The following COL7A1 variants were observed in gnomAD, a reference collection of about 807,000 sequenced individuals.
The protein encoded by COL7A1 is collagen type VII alpha 1 chain, also known as collagen alpha-1(VII) chain.
COL7A1 carries 296 observed loss-of-function variants against 456.2 expected under a neutral mutation model. The ratio of observed to expected loss-of-function variants is 0.65; its 90% CI spans 0.59 to 0.71. The LOEUF (loss-of-function observed/expected upper bound fraction) is 0.71, where lower values mean the gene tolerates loss of function less well. Among genes scored for constraint, COL7A1 ranks in the 30% least tolerant of loss-of-function variants. The probability of loss-of-function intolerance (pLI) is 0.00; values close to 1 mark genes in which losing one functional copy is unlikely to be tolerated. For missense variants in COL7A1, 3,441 were observed against 4,017.2 expected, an observed-to-expected ratio of 0.86 and a Z score of 3.88; for synonymous variants, 1,464 against 1,525.9, an observed-to-expected ratio of 0.96 and a Z score of 0.95.
In COL7A1 at chr3:48,565,691, G is replaced by T; in HGVS notation, c.8408-23C>A. The T allele has an allele frequency of 1.9e-6, 3 of 1,605,112 alleles. No homozygotes were observed. The highest frequency in any genetic ancestry group is 2.6e-6 in the Non-Finnish European group (3 of 1,174,936). The stretch of plus-strand genomic sequence containing the variant: ...AGGCTAGAGGGGGCAGAGAGGGATA[G>T]AGAGACAATGACAGAGAGAAGGATG... On this transcript the variant is annotated intron_variant, in intron 114 of 118. Transcript: ENST00000681320. This position sits in a 1 kb window ranked among gnomAD's most constrained non-coding sequence, Gnocchi z 4.5.
chr3:48,595,021 C>A, intron 2 of COL7A1, 54 bp downstream of exon 2: 1 of 1,404,596 alleles, frequency 7.1e-7, no homozygotes, highest in Non-Finnish European at 9.8e-7. Context: ...CCGAGTGGAG[C>A]GGAGGGTGGC....
rs1157988972 is a variant in COL7A1 at position 48,583,512 on chromosome 3, G to A, written c.4401+44C>T. The A allele has an allele frequency of 1.2e-6, 2 of 1,613,508 alleles. No homozygotes were observed. The highest frequency in any genetic ancestry group is 1.7e-6 in the Non-Finnish European group (2 of 1,179,704). ...TGGTTGATGATTGAGGTAGGGGCTG[G>A]AGCTGTGCCCACCATATTCAGAATC... On this transcript the variant is annotated intron_variant, in intron 41 of 118. Coordinates refer to ENST00000681320, the MANE Select transcript of COL7A1 (RefSeq NM_000094.4). This position sits in a 1 kb window ranked among gnomAD's most constrained non-coding sequence, Gnocchi z 5.1.
Position 48,583,842 on chromosome 3 carries a change from C to T in COL7A1, c.4278+58G>A. On this transcript the variant is annotated intron_variant, in intron 39 of 118. Transcript: ENST00000681320. The surrounding 1 kb of genome is among the most constrained non-coding windows in gnomAD (Gnocchi z 5.1). ...ATGAAGCCCAGCACCCAACCACTGC[C>T]CCAGGAGAGACCCACACCCCTGAGC... 6.2e-7 allele frequency: 1 copy of T among 1,613,574 alleles called. No individual in the cohort carries two copies.
Position 48,569,705 on chromosome 3 carries a change from C to G in COL7A1, c.7557+20G>C, listed in dbSNP as rs1188811754. 2 of 1,614,152 alleles carry G rather than the reference C, an allele frequency of 1.2e-6. No homozygotes were observed. Among genetic ancestry groups the G allele is most frequent in the Non-Finnish European group, 1.7e-6 (2 of 1,180,010 alleles). The stretch of plus-strand genomic sequence containing the variant: ...GGAGCACCCTGGCCCCTGCCCTGCC[C>G]TCCCCATGCCCACACTCACCTTGTC... On this transcript the variant is annotated intron_variant, in intron 101 of 118. Transcript: ENST00000681320. The surrounding 1 kb of genome is among the most constrained non-coding windows in gnomAD (Gnocchi z 4.9).
rs759118253 is a variant in COL7A1 at position 48,587,563 on chromosome 3, G to A, written c.2858-9C>T. On this transcript the variant is annotated splice_polypyrimidine_tract_variant and intron_variant, in intron 22 of 118. Coordinates refer to ENST00000681320, the MANE Select transcript of COL7A1 (RefSeq NM_000094.4). The surrounding 1 kb of genome is among the most constrained non-coding windows in gnomAD (Gnocchi z 6.1). ...TGGAACACGAGGTGACTCTGAAGGA[G>A]GAATGAAAGATCGAGGATCAGAGGC... 1.9e-6 allele frequency: 3 copies of A among 1,613,482 alleles called. No homozygotes were observed. The highest frequency in any genetic ancestry group is 8.5e-7 in the Non-Finnish European group (1 of 1,180,022).
chr3:48,564,327 C>T lies in COL7A1; in HGVS notation c.*79G>A. On this transcript the variant is annotated 3_prime_UTR_variant, in exon 119 of 119. Coordinates refer to ENST00000681320, the MANE Select transcript of COL7A1 (RefSeq NM_000094.4). The surrounding 1 kb of genome is among the most constrained non-coding windows in gnomAD (Gnocchi z 6.0). ...CTCACGTGCACACAAGCCTCTAGCA[C>T]CAAGGGGAGGGACAGTGGGGTTCTG... 1.3e-6 allele frequency: 2 copies of T among 1,551,782 alleles called. No homozygotes were observed. The highest frequency in any genetic ancestry group is 1.1e-5 in the South Asian group (1 of 89,556).
At position 48,564,366 on chromosome 3, in the gene COL7A1, T is replaced by A. The variant is rs886058627; in HGVS notation, c.*40A>T. ...AGTGGGGTTCTGCTGAGACCCCGAC[T>A]CCTCCAGGGGATGCTGAATCTCAGC... On this transcript the variant is annotated 3_prime_UTR_variant, in exon 119 of 119. Coordinates refer to ENST00000681320, the MANE Select transcript of COL7A1 (RefSeq NM_000094.4). This position sits in a 1 kb window ranked among gnomAD's most constrained non-coding sequence, Gnocchi z 6.0. 1 of 1,613,170 alleles carries A rather than the reference T, an allele frequency of 6.2e-7. No individual in the cohort carries two copies.
chr3:48,583,381 A>G lies in COL7A1; in HGVS notation c.4437+12T>C, dbSNP rs184093617. On this transcript the variant is annotated intron_variant, in intron 42 of 118. Transcript: ENST00000681320. The surrounding 1 kb of genome is among the most constrained non-coding windows in gnomAD (Gnocchi z 5.1). ...GCACCCCTCACACCTGAATCCCCCA[A>G]CTGGTACTCACTTTGGGGCCAATAG... The G allele has an allele frequency of 2.5e-6, 4 of 1,613,912 alleles. No individual in the cohort carries two copies. In the East Asian group the frequency reaches 8.9e-5, roughly 36 times the overall value.
Position 48,587,331 on chromosome 3 carries a change from G to A in COL7A1, c.2998C>T (p.Pro1000Ser). 6.2e-7 allele frequency: 1 copy of A among 1,603,698 alleles called. No individual in the cohort carries two copies. Among genetic ancestry groups the A allele is most frequent in the East Asian group, 2.3e-5 (1 of 44,314 alleles). Residue 1000 changes from proline to serine, a missense_variant, in exon 24 of 119, where the codon CCT becomes TCT. Pro to Ser is a moderately conservative substitution (Grantham distance 74). This residue lies in a region of COL7A1 where 444 missense variants were observed against 427.6 expected (regional missense o/e 1.04). Transcript: ENST00000681320. The surrounding 1 kb of genome is among the most constrained non-coding windows in gnomAD (Gnocchi z 6.1). ...CCTGGAAGTGTCTGCGGGGACCCAG[G>A]CACTTCTGCAGGAGACAGAACTTGA... ...RPLRGPGQEV[P>S]GSPQTLPGIS... is the part of the protein sequence containing the mutation.
At position 48,593,244 on chromosome 3, in the gene COL7A1, A is replaced by T. The variant is rs1473537751; in HGVS notation, c.540T>A (p.Pro180=). ...LFAVGIKNAD[P]EELKRVASQP... Reference sequence around the variant, plus strand: ...GTGAGGCAACTCGCTTCAGCTCCTCAGGGTCAGCATTCTTGATCCCTGAAG... The same window carrying T: ...GTGAGGCAACTCGCTTCAGCTCCTCTGGGTCAGCATTCTTGATCCCTGAAG... The change falls in exon 6 of 119, where the codon CCT becomes CCA. Residue 180 remains proline, a synonymous_variant. Transcript: ENST00000681320. This position sits in a 1 kb window ranked among gnomAD's most constrained non-coding sequence, Gnocchi z 4.4. The T allele has an allele frequency of 1.2e-6, 2 of 1,614,024 alleles. No individual in the cohort carries two copies. The highest frequency in any genetic ancestry group is 4.5e-5 in the East Asian group (2 of 44,900).
chr3:48,578,588 GA>G lies in COL7A1; in HGVS notation c.5425-74del. The G allele has an allele frequency of 6.5e-7, 1 of 1,538,048 alleles. No homozygotes were observed. The highest frequency in any genetic ancestry group is 9.0e-7 in the Non-Finnish European group (1 of 1,116,332). ...TGGGGCACACCCCATGGACTAAGAG[GA>G]CCCCAAAAAGATCTCCCTCCAGGGT... On this transcript the variant is annotated intron_variant, in intron 63 of 118. Coordinates refer to ENST00000681320, the MANE Select transcript of COL7A1 (RefSeq NM_000094.4). The surrounding 1 kb of genome is among the most constrained non-coding windows in gnomAD (Gnocchi z 4.7).
chr3:48,572,103 G>A lies in COL7A1; in HGVS notation c.7023+24C>T, dbSNP rs778333517. The A allele has an allele frequency of 1.2e-6, 2 of 1,613,916 alleles. No individual in the cohort carries two copies. The highest frequency in any genetic ancestry group is 1.7e-6 in the Non-Finnish European group (2 of 1,179,922). ...CTGAGCCTTCTCTGCTCAGTAGTCA[G>A]GCCCCAGGGCCAACCCACCTCACCT... On this transcript the variant is annotated intron_variant, in intron 91 of 118. Transcript: ENST00000681320. The surrounding 1 kb of genome is among the most constrained non-coding windows in gnomAD (Gnocchi z 4.6).
rs1260291089 is a variant in COL7A1 at position 48,586,398 on chromosome 3, C to A, written c.3484G>T (p.Val1162Phe). The A allele has an allele frequency of 6.2e-7, 1 of 1,613,946 alleles. No individual in the cohort carries two copies. Among genetic ancestry groups the A allele is most frequent in the South Asian group, 1.1e-5 (1 of 91,086 alleles). ...CTCAAGGGTTCATCCACTAGCAGAA[C>A]CATCACCCCTGGTACGTGCTGGCGG... ...GRRQHVPGVM[V>F]LLVDEPLRGD... The change falls in exon 27 of 119, where the codon GTT becomes TTT. Residue 1162 changes from valine to phenylalanine, a missense_variant. Val to Phe is a conservative substitution (Grantham distance 50). Coordinates refer to ENST00000681320, the MANE Select transcript of COL7A1 (RefSeq NM_000094.4). This position sits in a 1 kb window ranked among gnomAD's most constrained non-coding sequence, Gnocchi z 5.1.
At chr3:48,582,878 G>A (rs2044874237) in intron 44 of COL7A1, 135 bp downstream of exon 44, 22 of 1,373,786 alleles carry the variant, frequency 1.6e-5, no homozygotes, top group Non-Finnish European at 2.3e-5. Flanking sequence ...GAGGGTTAGA[G>A]CCTGTATCAG....
rs1255868672 is a variant in COL7A1 at position 48,593,127 on chromosome 3, A to G, written c.657T>C (p.Ala219=). 1 of 1,614,106 alleles carries G rather than the reference A, an allele frequency of 6.2e-7. No individual in the cohort carries two copies. Residue 219 remains alanine (A), a synonymous_variant, in exon 6 of 119, where the codon GCT becomes GCC. Coordinates refer to ENST00000681320, the MANE Select transcript of COL7A1 (RefSeq NM_000094.4). This position sits in a 1 kb window ranked among gnomAD's most constrained non-coding sequence, Gnocchi z 4.4. ...PLVSRRVCTT[A]GGVPVTRPPD... ...GAGGTCGGGTCACAGGCACGCCACC[A>G]GCAGTCGTGCACACTCTCCGGGAAA...
rs1200207931 is a variant in COL7A1, at chr3:48,569,912, G to T, written c.7489C>A (p.Pro2497Thr). The change falls in exon 100 of 119, where the codon CCC becomes ACC. Residue 2497 changes from proline to threonine, a missense_variant. Physicochemically the swap from Pro to Thr is conservative, Grantham distance 38. This residue lies in a region of COL7A1 where 2,084 missense variants were observed against 2,501.3 expected (regional missense o/e 0.83). Coordinates refer to ENST00000681320, the MANE Select transcript of COL7A1 (RefSeq NM_000094.4). This position sits in a 1 kb window ranked among gnomAD's most constrained non-coding sequence, Gnocchi z 4.9. ...GQEGPRGLTGPPGSRGERGEK... is the reference protein window; with the variant it reads ...GQEGPRGLTGTPGSRGERGEK... ...CCACGCTCTCCCCTGCTGCCAGGGG[G>T]CCCCTGTGTGAGAGAAGGTGACCGT... 5 of 1,614,060 alleles carry T rather than the reference G, an allele frequency of 3.1e-6. No individual in the cohort carries two copies. The highest frequency in any genetic ancestry group is 1.1e-5 in the South Asian group (1 of 91,076).
Position 48,573,157 on chromosome 3 carries a change from C to T in COL7A1, c.6714+17G>A. 6.2e-7 allele frequency: 1 copy of T among 1,614,014 alleles called. No homozygotes were observed. Among genetic ancestry groups the T allele is most frequent in the Non-Finnish European group, 8.5e-7 (1 of 1,179,926 alleles). ...GAAAACACGGTGTCCCTACAGGGGC[C>T]ACAGGGACTCACTCACCACAAGGCC... On this transcript the variant is annotated intron_variant, in intron 85 of 118. Transcript: ENST00000681320. The surrounding 1 kb of genome is among the most constrained non-coding windows in gnomAD (Gnocchi z 5.5).
At position 48,593,992 on chromosome 3, in the gene COL7A1, G is replaced by A. The variant is rs1329303019; in HGVS notation, c.267-296C>T. Among the ~76,000 whole-genome samples the A allele has an allele frequency of 6.6e-6, 1 of 152,242 alleles. No homozygotes were observed. Among genetic ancestry groups the A allele is most frequent in the East Asian group, 1.9e-4 (1 of 5,194 alleles). On this transcript the variant is annotated intron_variant, in intron 3 of 118. Transcript: ENST00000681320. This position sits in a 1 kb window ranked among gnomAD's most constrained non-coding sequence, Gnocchi z 4.4. Reference sequence around the variant, plus strand: ...AAATAATTGCAGGAGGAGGGGTCCAGATGTAGGAAAGTGGATGCTGGCCAG... The same window carrying A: ...AAATAATTGCAGGAGGAGGGGTCCAAATGTAGGAAAGTGGATGCTGGCCAG...
In COL7A1 at chr3:48,586,955, C is replaced by A; in HGVS notation, c.3276+17G>T. ...GGCCTCAGGGAGAGGTAGAATCTGG[C>A]TGCCCCAGGGCCAAACCTGAACTGC... On this transcript the variant is annotated intron_variant, in intron 25 of 118. Transcript: ENST00000681320. The surrounding 1 kb of genome is among the most constrained non-coding windows in gnomAD (Gnocchi z 5.1). The A allele has an allele frequency of 6.3e-7, 1 of 1,578,402 alleles. No individual in the cohort carries two copies.
Sources: gnomAD v4.1 joint callset for allele counts (sites outside exome capture counted in the v4.1 genomes callset) on GRCh38, gnomAD v4.1.1 for gene constraint, gnomAD v4.1.1 regional missense constraint, Gnocchi (gnomAD v3.1) non-coding constraint, MANE v1.5 for transcripts, NCBI Gene and HGNC (gene_info 2026-07-23, HGNC 2026-07-21) for gene names.